Variants in KCNMA1 observed in about 807,000 individuals in gnomAD.
KCNMA1 encodes the protein Calcium-activated potassium channel subunit alpha-1.
KCNMA1 carries 29 observed loss-of-function variants against 140.0 expected under a neutral mutation model. That is an observed-to-expected ratio of 0.21 (90% CI 0.15 to 0.28). The LOEUF is 0.28. KCNMA1 is among the 10% of genes least tolerant of loss of function. The pLI is 1.00. For synonymous variants in KCNMA1, 612 were observed against 611.9 expected (o/e 1.00, Z 0.00); for missense variants, 880 against 1,602.2 (o/e 0.55, Z 7.70).
At chr10:77,196,189 G>A (rs1187709539) in intron 3 of KCNMA1, among the ~76,000 whole-genome samples, 1 of 152,104 alleles carries the variant, frequency 6.6e-6, no homozygotes, top group Non-Finnish European at 1.5e-5. Flanking sequence ...ATGGCCCCAG[G>A]AAGCCGATTT....
At chr10:77,529,794 C>T (rs2154552612) in intron 1 of KCNMA1, among the ~76,000 whole-genome samples, 1 of 152,192 alleles carries the variant, frequency 6.6e-6, no homozygotes, top group East Asian at 1.9e-4. Flanking sequence ...CCACGTGGGC[C>T]TTTGTCAGGA....
intron 1 of KCNMA1, among the ~76,000 whole-genome samples, chr10:77,410,540 G>A (rs1393449113): frequency 6.6e-6 from 1 of 152,228 alleles, no homozygotes; most frequent in Admixed American, 6.5e-5. Context: ...TTTAGGCAAA[G>A]GCCATCTGGG....
chr10:76,928,406 C>T (rs1486258997), intron 23 of KCNMA1, among the ~76,000 whole-genome samples: 4 of 152,062 alleles, frequency 2.6e-5, no homozygotes, highest in Non-Finnish European at 4.4e-5. Context: ...ATCTTCCCCA[C>T]ATTGGAACTC....
chr10:77,239,657 C>T (rs1409537899), intron 3 of KCNMA1, among the ~76,000 whole-genome samples: 2 of 152,168 alleles, frequency 1.3e-5, no homozygotes, highest in African/African-American at 2.4e-5. Flanking sequence ...CCATCTACTT[C>T]CTACTTTGAA....
intron 5 of KCNMA1, chr10:77,150,064 T>C (rs1300951186): frequency 1.3e-5 from 2 of 152,186 alleles, no homozygotes; most frequent in African/African-American, 4.8e-5. Flanking sequence ...CACAATATGA[T>C]TTATATGAAA....
intron 19 of KCNMA1, among the ~76,000 whole-genome samples, chr10:76,989,528 C>T (rs78513663): frequency 0.017 from 2,646 of 152,162 alleles, 86 homozygotes; most frequent in African/African-American, 0.059. Flanking sequence ...GAAATATGAC[C>T]TTCCAATTTC....
At chr10:77,006,615 A>C (rs1251742858) in intron 18 of KCNMA1, among the ~76,000 whole-genome samples, 1 of 152,226 alleles carries the variant, frequency 6.6e-6, no homozygotes, top group Non-Finnish European at 1.5e-5. Flanking sequence ...GTTTTCCAAA[A>C]ACAGAGGAGA....
chr10:77,218,185 C>T (rs1006662076), intron 3 of KCNMA1, among the ~76,000 whole-genome samples: 2 of 152,098 alleles, frequency 1.3e-5, no homozygotes, highest in Non-Finnish European at 2.9e-5. Context: ...GAGTCCAGCA[C>T]TCCATTTCCA....
rs148921264 is a variant in KCNMA1 at position 77,427,450 on chromosome 10, T to C, written c.379-23427A>G. 2.2e-3 allele frequency among the ~76,000 whole-genome samples: 334 copies of C among 152,302 alleles called. 1 individual carries two copies. The highest frequency in any genetic ancestry group is 0.01 in the Middle Eastern group (3 of 294). On this transcript the variant is annotated intron_variant, in intron 1 of 27. Transcript: ENST00000286628. ...CTATCAATATGCACCACAGAGGGTG[T>C]TAGCTGAGATGTGGAGATGACTTGG...
chr10:77,165,065 C>CGAT (rs1458349717), intron 5 of KCNMA1, among the ~76,000 whole-genome samples: 1 of 152,102 alleles, frequency 6.6e-6, no homozygotes, highest in Admixed American at 6.6e-5. Flanking sequence ...TGAAAACTCA[C>CGAT]GATAAAAATA....
chr10:77,181,454 C>T (rs1035404405), intron 5 of KCNMA1, among the ~76,000 whole-genome samples: 4 of 152,096 alleles, frequency 2.6e-5, no homozygotes, highest in Non-Finnish European at 5.9e-5. Flanking sequence ...CTTCCCTGTC[C>T]ACCCCAATGA....
At chr10:77,202,499 C>G (rs966157016) in intron 3 of KCNMA1, among the ~76,000 whole-genome samples, 2 of 152,168 alleles carry the variant, frequency 1.3e-5, no homozygotes, top group African/African-American at 4.8e-5. Flanking sequence ...TTGGTGCAGG[C>G]TAAGCCATCC....
intron 14 of KCNMA1, chr10:77,063,957 G>C: frequency 1.0e-6 from 1 of 985,416 alleles, no homozygotes; most frequent in African/African-American, 1.7e-5. Context: ...TGCCAGCCGA[G>C]AAGGGCCAGG....
intron 2 of KCNMA1, among the ~76,000 whole-genome samples, chr10:77,302,169 G>A (rs1446448544): frequency 6.6e-6 from 1 of 152,050 alleles, no homozygotes; most frequent in African/African-American, 2.4e-5. Flanking sequence ...ACTTAGCCCT[G>A]GTCCCTCTGA....
chr10:76,886,558 T>C lies in KCNMA1; in HGVS notation c.*708A>G. 1.0e-6 allele frequency: 1 copy of C among 986,140 alleles called. No homozygotes were observed. 61.1% of individuals were successfully genotyped at this position (986,140 alleles called of 1,614,324 possible). ...GATACATCCATGATTGGAATACTATTCTCTCCTCCATATTAAGGTGAGAAA... is the reference window on the plus strand; with the variant it reads ...GATACATCCATGATTGGAATACTATCCTCTCCTCCATATTAAGGTGAGAAA... On this transcript the variant is annotated 3_prime_UTR_variant, in exon 28 of 28. Coordinates refer to ENST00000286628, the MANE Select transcript of KCNMA1 (RefSeq NM_001161352.2).
intron 19 of KCNMA1, 112 bp from the exon 20 acceptor site, chr10:76,970,179 A>T: frequency 1.2e-6 from 1 of 853,270 alleles, no homozygotes; most frequent in Non-Finnish European, 2.0e-6. Context: ...CTAGGAATTC[A>T]TGGCTGTCTT....
chr10:77,426,332 T>C (rs2096989370), intron 1 of KCNMA1, among the ~76,000 whole-genome samples: 1 of 152,200 alleles, frequency 6.6e-6, no homozygotes, highest in African/African-American at 2.4e-5. Context: ...CATGTATATA[T>C]GATGACTGTC....
At chr10:77,110,057 G>A (rs908375508) in intron 8 of KCNMA1, 116 bp downstream of exon 8, 53 of 928,320 alleles carry the variant, frequency 5.7e-5, no homozygotes, top group African/African-American at 9.9e-5. Context: ...TGATTGTAAC[G>A]TTAAGGCTTG....
chr10:77,409,656 G>C (rs541279536), intron 1 of KCNMA1, among the ~76,000 whole-genome samples: 6 of 152,150 alleles, frequency 3.9e-5, no homozygotes, highest in Non-Finnish European at 8.8e-5. Context: ...CCCCAGCCAC[G>C]ACAGCTGCTC....
Sources: gnomAD v4.1 joint callset for allele counts (sites outside exome capture counted in the v4.1 genomes callset) on GRCh38, gnomAD v4.1.1 for gene constraint, MANE v1.5 for transcripts, NCBI Gene and HGNC (gene_info 2026-07-23, HGNC 2026-07-21) for gene names.